ABHD6: variants seen among roughly 807,000 people sequenced by gnomAD.
ABHD6 encodes monoacylglycerol lipase ABHD6.
ABHD6 carries 33 observed loss-of-function variants against 38.8 expected under a neutral mutation model. The ratio of observed to expected loss-of-function variants is 0.85; its 90% CI spans 0.64 to 1.14. ABHD6 has a LOEUF of 1.14. ABHD6 is among the 50% of genes most tolerant of loss of function. The pLI is 0.00. For missense variants in ABHD6, 380 were observed against 422.6 expected (o/e 0.90, Z 0.88); for synonymous variants, 147 against 161.6 (o/e 0.91, Z 0.69).
At position 58,238,877 on chromosome 3, in the gene ABHD6, C is replaced by T. The variant is rs551081979; in HGVS notation, c.-91+961C>T. On this transcript the variant is annotated intron_variant, in intron 1 of 9. Coordinates refer to ENST00000478253, the MANE Select transcript of ABHD6 (RefSeq NM_001320126.2). This position sits in a 1 kb window ranked among gnomAD's most constrained non-coding sequence, Gnocchi z 6.9. ...GCTCAGAAATCCCTAGTGGCTCCAC[C>T]TGGCTAAGAGTTTAAAGTAGTTTAT... Among the ~76,000 whole-genome samples the T allele has an allele frequency of 2.9e-3, 438 of 152,270 alleles. 1 individual carries two copies. The highest frequency in any genetic ancestry group is 3.6e-3 in the Non-Finnish European group (244 of 68,028).
At chr3:58,248,775 G>C (rs1163260055) in intron 1 of ABHD6, among the ~76,000 whole-genome samples, 1 of 152,186 alleles carries the variant, frequency 6.6e-6, no homozygotes, top group Non-Finnish European at 1.5e-5. Context: ...TTGCCAAATT[G>C]CAATCTGTAG....
At chr3:58,274,540 C>T in intron 6 of ABHD6, 118 bp from the exon 7 acceptor site, 1 of 1,071,806 alleles carries the variant, frequency 9.3e-7, no homozygotes, top group South Asian at 1.7e-5. Context: ...AAGAAATCTA[C>T]TCATGAAATA....
chr3:58,241,139 G>C (rs2097422554), intron 1 of ABHD6, among the ~76,000 whole-genome samples: 1 of 152,194 alleles, frequency 6.6e-6, no homozygotes, highest in Non-Finnish European at 1.5e-5. Flanking sequence ...CGATGCACAG[G>C]ACGGTGCCAC....
rs1453254745 is a variant in ABHD6, at chr3:58,257,175, G to T, written c.119+470G>T. Among the ~76,000 whole-genome samples the T allele has an allele frequency of 2.6e-5, 4 of 152,054 alleles. No individual in the cohort carries two copies. The highest frequency in any genetic ancestry group is 5.9e-5 in the Non-Finnish European group (4 of 68,018). ...TTCCCATCTTGCCTCTCTAAGTGCT[G>T]GGATTACAGGCATGAGCCATCATAC... On this transcript the variant is annotated intron_variant, in intron 3 of 9. Transcript: ENST00000478253. The surrounding 1 kb of genome is among the most constrained non-coding windows in gnomAD (Gnocchi z 4.8).
chr3:58,254,318 T>G (rs1287693838), intron 2 of ABHD6, among the ~76,000 whole-genome samples: 1 of 152,238 alleles, frequency 6.6e-6, no homozygotes, highest in African/African-American at 2.4e-5. Flanking sequence ...AAATTTGGCC[T>G]ACAGCCTATT....
At chr3:58,277,760 T>A (rs1289829922) in intron 7 of ABHD6, among the ~76,000 whole-genome samples, 1 of 152,176 alleles carries the variant, frequency 6.6e-6, no homozygotes, top group Non-Finnish European at 1.5e-5. Flanking sequence ...CATAAATAGC[T>A]CTTATTATTT....
At chr3:58,268,300 C>T (rs575523594) in intron 4 of ABHD6, among the ~76,000 whole-genome samples, 1 of 152,250 alleles carries the variant, frequency 6.6e-6, no homozygotes, top group South Asian at 2.1e-4. Context: ...TCTCTTCCTT[C>T]CCCTCCATAT....
chr3:58,250,950 G>A (rs1207403103), intron 2 of ABHD6, among the ~76,000 whole-genome samples: 2 of 152,200 alleles, frequency 1.3e-5, no homozygotes, highest in African/African-American at 4.8e-5. Context: ...TGCCTAACAG[G>A]AGTGGTGAGC....
chr3:58,272,118 T>G (rs2097445459), intron 6 of ABHD6, among the ~76,000 whole-genome samples: 1 of 152,154 alleles, frequency 6.6e-6, no homozygotes, highest in Admixed American at 6.5e-5. Context: ...TCCCTCTCCC[T>G]TTGGTGCTTT....
In ABHD6 at chr3:58,263,115, G is replaced by A. The variant is rs1236653932; in HGVS notation, c.120-4074G>A. ...CCCAGCTACTTGGGAGGCTGAAGTGGGAGAATCGTTTGAAAGCAGAAGGTG... is the reference window on the plus strand; with the variant it reads ...CCCAGCTACTTGGGAGGCTGAAGTGAGAGAATCGTTTGAAAGCAGAAGGTG... On this transcript the variant is annotated intron_variant, in intron 3 of 9. Transcript: ENST00000478253. This position sits in a 1 kb window ranked among gnomAD's most constrained non-coding sequence, Gnocchi z 4.9. Among the ~76,000 whole-genome samples, 3 of 152,184 alleles carry A rather than the reference G, an allele frequency of 2.0e-5. No homozygotes were observed. The highest frequency in any genetic ancestry group is 6.5e-5 in the Admixed American group (1 of 15,282).
chr3:58,270,996 AGGTGGCTG>A lies in ABHD6; in HGVS notation c.458_465del (p.Val153GlyfsTer26). On this transcript the variant is annotated frameshift_variant, in exon 6 of 10. Transcript: ENST00000478253. LOFTEE classifies it high-confidence loss of function. ...CTGGTAGGCACCTCCATGGGTGGCCAGGTGGCTGGGGTGTATGCTGCTTACTACCCATC... is the reference window on the plus strand; with the variant it reads ...CTGGTAGGCACCTCCATGGGTGGCCAGGGTGTATGCTGCTTACTACCCATC... The A allele has an allele frequency of 6.2e-7, 1 of 1,613,298 alleles. No individual in the cohort carries two copies. The highest frequency in any genetic ancestry group is 8.5e-7 in the Non-Finnish European group (1 of 1,179,766).
At chr3:58,240,217 A>G (rs1273021815) in intron 1 of ABHD6, among the ~76,000 whole-genome samples, 1 of 152,116 alleles carries the variant, frequency 6.6e-6, no homozygotes, top group Non-Finnish European at 1.5e-5. Flanking sequence ...ATTGGAAATC[A>G]GCTTCACTAT....
chr3:58,284,861 A>G (rs1401158482), intron 7 of ABHD6, among the ~76,000 whole-genome samples: 1 of 152,012 alleles, frequency 6.6e-6, no homozygotes, highest in African/African-American at 2.4e-5. Context: ...TCACGATATT[A>G]CCCAAGTTCC....
intron 9 of ABHD6, among the ~76,000 whole-genome samples, chr3:58,289,859 AG>A (rs1188057300): frequency 0.022 from 2,348 of 104,628 alleles, 140 homozygotes; most frequent in African/African-American, 0.11. Context: ...CTGGCCGGGT[AG>A]GGGGCTGACC....
At chr3:58,281,960 C>T (rs1301894981) in intron 7 of ABHD6, among the ~76,000 whole-genome samples, 1 of 151,882 alleles carries the variant, frequency 6.6e-6, no homozygotes, top group Non-Finnish European at 1.5e-5. Context: ...TATTTAAATA[C>T]AAATAAAAGA....
rs542034369 is a variant in ABHD6 at position 58,276,366 on chromosome 3, GTGA to G, written c.681+1558_681+1560del. Among the ~76,000 whole-genome samples, 87 of 152,328 alleles carry G rather than the reference GTGA, an allele frequency of 5.7e-4. 1 individual carries two copies. Among genetic ancestry groups the G allele is most frequent in the Admixed American group, 1.7e-3 (26 of 15,294 alleles). ...TTGATTTGCATTTCTCTGATGACCA[GTGA>G]TGATGAGCAGTTTTTCATGTGTCTG... On this transcript the variant is annotated intron_variant, in intron 7 of 9. Coordinates refer to ENST00000478253, the MANE Select transcript of ABHD6 (RefSeq NM_001320126.2).
chr3:58,274,316 A>G (rs2097447188), intron 6 of ABHD6, among the ~76,000 whole-genome samples: 1 of 152,154 alleles, frequency 6.6e-6, no homozygotes, highest in Non-Finnish European at 1.5e-5. Flanking sequence ...CTTAAATTCT[A>G]TCATACATAT....
chr3:58,272,528 G>A (rs941470865), intron 6 of ABHD6, among the ~76,000 whole-genome samples: 3 of 152,052 alleles, frequency 2.0e-5, no homozygotes, highest in Non-Finnish European at 4.4e-5. Context: ...CATTGAAATC[G>A]AAGAGAAGAC....
At chr3:58,242,155 C>T (rs2097423295) in intron 1 of ABHD6, among the ~76,000 whole-genome samples, 2 of 151,920 alleles carry the variant, frequency 1.3e-5, no homozygotes, top group Non-Finnish European at 2.9e-5. Flanking sequence ...TGGGAGAGCA[C>T]GGCATGTCTG....
Sources: gnomAD v4.1 joint callset for allele counts (sites outside exome capture counted in the v4.1 genomes callset) on GRCh38, gnomAD v4.1.1 for gene constraint, Gnocchi (gnomAD v3.1) non-coding constraint, MANE v1.5 for transcripts, NCBI Gene and HGNC (gene_info 2026-07-23, HGNC 2026-07-21) for gene names.